The following ROBO1 variants were observed in gnomAD, a reference collection of about 807,000 sequenced individuals.
ROBO1 encodes the protein roundabout homolog 1.
Under a neutral mutation model 195.9 loss-of-function variants are expected in ROBO1, and 149 were observed. The ratio of observed to expected loss-of-function variants is 0.76; its 90% CI spans 0.67 to 0.87. The LOEUF is 0.87. Among genes scored for constraint, ROBO1 ranks in the 40% least tolerant of loss-of-function variants. The pLI, the probability that ROBO1 is intolerant of heterozygous loss-of-function variation, is 0.00. For synonymous variants in ROBO1, 816 were observed against 733.2 expected (o/e 1.11, Z -1.82); for missense variants, 1,933 against 2,068.3 (o/e 0.93, Z 1.27).
At chr3:79,475,070 ATTC>A (rs1938480136) in intron 2 of ROBO1, among the ~76,000 whole-genome samples, 1 of 151,998 alleles carries the variant, frequency 6.6e-6, no homozygotes, top group African/African-American at 2.4e-5. Context: ...ATACAACAGA[ATTC>A]TTTTCAGTAA....
chr3:78,822,831 T>C (rs190654778), intron 4 of ROBO1, among the ~76,000 whole-genome samples: 3 of 152,342 alleles, frequency 2.0e-5, no homozygotes, highest in African/African-American at 7.2e-5. Flanking sequence ...GAGTAGAATA[T>C]ACTTTATTCA....
At chr3:79,490,882 A>G (rs980335597) in intron 2 of ROBO1, among the ~76,000 whole-genome samples, 18 of 151,990 alleles carry the variant, frequency 1.2e-4, no homozygotes, top group African/African-American at 4.3e-4. Context: ...CGCCTTGAAG[A>G]CTTATTTTTC....
chr3:79,358,201 G>A (rs1361176556), intron 2 of ROBO1, among the ~76,000 whole-genome samples: 2 of 152,056 alleles, frequency 1.3e-5, no homozygotes, highest in African/African-American at 2.4e-5. Context: ...CTATAGGGAT[G>A]TTACAATAAT....
chr3:78,797,999 T>C (rs2084236369), intron 4 of ROBO1, among the ~76,000 whole-genome samples: 1 of 152,156 alleles, frequency 6.6e-6, no homozygotes, highest in South Asian at 2.1e-4. Context: ...TATGAAGTAA[T>C]CTAAATCCAC....
At chr3:79,322,393 G>C (rs2034020594) in intron 2 of ROBO1, among the ~76,000 whole-genome samples, 1 of 152,184 alleles carries the variant, frequency 6.6e-6, no homozygotes, top group Non-Finnish European at 1.5e-5. Flanking sequence ...GAGCATAAAT[G>C]AGAGGCAAGC....
intron 3 of ROBO1, among the ~76,000 whole-genome samples, chr3:79,118,112 G>C (rs899433753): frequency 1.3e-5 from 2 of 152,122 alleles, no homozygotes; most frequent in Admixed American, 6.5e-5. Context: ...TACTTTGAAG[G>C]CTTTTGAGAC....
chr3:79,625,180 T>C (rs181971570), intron 1 of ROBO1, among the ~76,000 whole-genome samples: 7 of 151,676 alleles, frequency 4.6e-5, no homozygotes, highest in Admixed American at 4.6e-4. Flanking sequence ...TACCAGAATC[T>C]CTGGTACACA....
intron 1 of ROBO1, among the ~76,000 whole-genome samples, chr3:79,620,825 G>A (rs528656356): frequency 1.3e-4 from 20 of 152,046 alleles, no homozygotes; most frequent in African/African-American, 4.6e-4. Context: ...GCTTTAAAAG[G>A]GTTAAAGCCT....
intron 3 of ROBO1, among the ~76,000 whole-genome samples, chr3:78,945,102 G>A (rs751170037): frequency 2.0e-5 from 3 of 152,178 alleles, no homozygotes; most frequent in East Asian, 3.9e-4. Flanking sequence ...TCAGGGCATG[G>A]ACAAACAAAA....
chr3:79,029,554 T>C (rs761923500), intron 3 of ROBO1, among the ~76,000 whole-genome samples: 2 of 152,208 alleles, frequency 1.3e-5, no homozygotes, highest in Non-Finnish European at 2.9e-5. Flanking sequence ...TTTCCAATAA[T>C]AGTAACTTAA....
At chr3:78,692,954 T>A (rs2081207844) in intron 8 of ROBO1, 1 of 164,392 alleles carries the variant, frequency 6.1e-6, no homozygotes, top group Non-Finnish European at 1.3e-5. Context: ...GAGATATACA[T>A]GAATTCACAA....
intron 2 of ROBO1, among the ~76,000 whole-genome samples, chr3:79,537,982 A>G (rs1382866263): frequency 6.6e-6 from 1 of 152,164 alleles, no homozygotes; most frequent in Admixed American, 6.5e-5. Context: ...GTTTTAAGAA[A>G]GTTTACAAAT....
At chr3:78,980,862 G>A (rs1240679216) in intron 3 of ROBO1, among the ~76,000 whole-genome samples, 1 of 151,964 alleles carries the variant, frequency 6.6e-6, no homozygotes, top group East Asian at 1.9e-4. Context: ...TTAACTATGA[G>A]GAAATAATTA....
chr3:79,225,395 G>A (rs1024023625), intron 2 of ROBO1, among the ~76,000 whole-genome samples: 5 of 152,122 alleles, frequency 3.3e-5, no homozygotes, highest in Non-Finnish European at 7.3e-5. Context: ...AAAAAAATAT[G>A]CTAGCATAGA....
At chr3:79,390,620 C>A (rs1383195201) in intron 2 of ROBO1, among the ~76,000 whole-genome samples, 4 of 151,922 alleles carry the variant, frequency 2.6e-5, no homozygotes, top group Admixed American at 2.6e-4. Flanking sequence ...TAGTAAGAGG[C>A]AAACAAAGAA....
chr3:79,717,992 C>T (rs1164049034), intron 1 of ROBO1, among the ~76,000 whole-genome samples: 1 of 151,762 alleles, frequency 6.6e-6, no homozygotes, highest in East Asian at 1.9e-4. Context: ...AGTGGAACAT[C>T]AGAAAGAGGC....
Position 78,933,278 on chromosome 3 carries a change from T to C in ROBO1, c.499+5323A>G, listed in dbSNP as rs766260305. Among the ~76,000 whole-genome samples, 72 of 152,152 alleles carry C rather than the reference T, an allele frequency of 4.7e-4. 1 individual carries two copies. Among genetic ancestry groups the C allele is most frequent in the Non-Finnish European group, 9.7e-4 (66 of 67,948 alleles). ...CCCATTAGCACTGAAATCTCTCATATGGCTTATGAAACGTAAGTTTCTATT... is the reference window on the plus strand; with the variant it reads ...CCCATTAGCACTGAAATCTCTCATACGGCTTATGAAACGTAAGTTTCTATT... On this transcript the variant is annotated intron_variant, in intron 4 of 30. Transcript: ENST00000464233.
intron 3 of ROBO1, among the ~76,000 whole-genome samples, chr3:79,085,603 G>C (rs1488609246): frequency 6.6e-6 from 1 of 152,112 alleles, no homozygotes; most frequent in African/African-American, 2.4e-5. Context: ...AGAGTGATGA[G>C]CTTGTGGGGC....
chr3:79,750,484 G>C (rs1704087543), intron 1 of ROBO1, among the ~76,000 whole-genome samples: 1 of 152,236 alleles, frequency 6.6e-6, no homozygotes, highest in South Asian at 2.1e-4. Flanking sequence ...ATATGAGTTG[G>C]CTGTGTCCCC....
Sources: gnomAD v4.1 joint callset for allele counts (sites outside exome capture counted in the v4.1 genomes callset) on GRCh38, gnomAD v4.1.1 for gene constraint, MANE v1.5 for transcripts, NCBI Gene and HGNC (gene_info 2026-07-23, HGNC 2026-07-21) for gene names.